C1orf226: variants seen among roughly 807,000 people sequenced by gnomAD.
C1orf226 encodes chromosome 1 open reading frame 226.
In C1orf226, 4 loss-of-function variants were observed where a neutral mutation model predicts 10.5. The ratio of observed to expected loss-of-function variants is 0.38; its 90% CI spans 0.19 to 0.87. The LOEUF (loss-of-function observed/expected upper bound fraction) is 0.87, where lower values mean the gene tolerates loss of function less well. Ranked by LOEUF, C1orf226 falls within the 40% of genes least tolerant of loss-of-function variation. The probability of loss-of-function intolerance (pLI) is 0.41; values close to 1 mark genes in which losing one functional copy is unlikely to be tolerated. For synonymous variants in C1orf226, 125 were observed against 139.3 expected (o/e 0.90, Z 0.72); for missense variants, 313 against 336.2 (o/e 0.93, Z 0.54).
rs1209868124 is a variant in C1orf226 at position 162,383,339 on chromosome 1, G to T, written c.475G>T (p.Ala159Ser). 2 of 1,608,952 alleles carry T rather than the reference G, an allele frequency of 1.2e-6. No homozygotes were observed. Among genetic ancestry groups the T allele is most frequent in the African/African-American group, 2.7e-5 (2 of 74,810 alleles). ...EYGTEPSPGQ[A>S]QDSAPTAQPD... ...TGGGACAGAGCCATCACCTGGGCAG[G>T]CCCAGGACTCCGCTCCCACTGCCCA... Residue 159 changes from alanine (A) to serine (S), a missense_variant, in exon 2 of 2, where the codon GCC (alanine) becomes TCC (serine). By Grantham distance (99) the Ala-to-Ser change is moderately conservative. Coordinates refer to ENST00000458626, the MANE Select transcript of C1orf226 (RefSeq NM_001085375.2).
Position 162,383,375 on chromosome 1 carries a change from C to A in C1orf226, c.511C>A (p.Pro171Thr), listed in dbSNP as rs775039376. The A allele has an allele frequency of 6.3e-7, 1 of 1,598,308 alleles. No individual in the cohort carries two copies. Among genetic ancestry groups the A allele is most frequent in the Non-Finnish European group, 8.5e-7 (1 of 1,172,194 alleles). The change falls in exon 2 of 2, where the codon CCA (proline) becomes ACA (threonine). Residue 171 changes from proline to threonine, a missense_variant. By Grantham distance (38) the Pro-to-Thr change is conservative (BLOSUM62 -1). Transcript: ENST00000458626. Reference sequence around the variant, plus strand: ...CGCTCCCACTGCCCAGCCTGACGTCCCAGCAGACGCTTCACAGCCAGAGGC... The same window carrying A: ...CGCTCCCACTGCCCAGCCTGACGTCACAGCAGACGCTTCACAGCCAGAGGC... ...DSAPTAQPDV[P>T]ADASQPEATM...
intron 1 of C1orf226, among the ~76,000 whole-genome samples, 178 bp from the exon 2 acceptor site, chr1:162,383,004 T>C (rs1206801924): frequency 6.6e-6 from 1 of 152,228 alleles, no homozygotes; most frequent in Non-Finnish European, 1.5e-5. Context: ...CAAAAGCTAC[T>C]GTTATGCTGA....
Position 162,382,070 on chromosome 1 carries a change from G to C in C1orf226, c.169G>C (p.Ala57Pro). 1 of 1,603,560 alleles carries C rather than the reference G, an allele frequency of 6.2e-7. No homozygotes were observed. Among genetic ancestry groups the C allele is most frequent in the Non-Finnish European group, 8.5e-7 (1 of 1,174,980 alleles). ...SSQHLKNLGK[A>P]MGAKVNDFLR... The stretch of plus-strand genomic sequence containing the variant: ...CCAGCACCTCAAGAACCTGGGCAAA[G>C]CCATGGGGGCCAAAGTGAATGACTT... Residue 57 changes from alanine to proline, a missense_variant, in exon 1 of 2, where the codon GCC (alanine) becomes CCC (proline). Ala to Pro is a conservative substitution (Grantham distance 27). Transcript: ENST00000458626.
Position 162,383,187 on chromosome 1 carries a change from T to A in C1orf226, c.323T>A (p.Val108Asp), listed in dbSNP as rs1012084357. Residue 108 changes from valine (V) to aspartate (D), a missense_variant, in exon 2 of 2, where the codon GTC becomes GAC. Physicochemically the swap from Val to Asp is radical, Grantham distance 152. Transcript: ENST00000458626. ...TATTGTCATTAACCTTACAGGTCAG[T>A]CCTGCAAGAAACATTTCCTCGGCTG... ...PEAWLEDERS[V>D]LQETFPRLDP... is the part of the protein sequence containing the mutation. 6.3e-7 allele frequency: 1 copy of A among 1,584,384 alleles called. No individual in the cohort carries two copies. Among genetic ancestry groups the A allele is most frequent in the African/African-American group, 1.3e-5 (1 of 74,240 alleles).
upstream of C1orf226, among the ~76,000 whole-genome samples, chr1:162,380,335 C>T (rs1310230799): frequency 6.6e-6 from 1 of 152,194 alleles, no homozygotes; most frequent in Non-Finnish European, 1.5e-5. Flanking sequence ...GGTTTTCCTC[C>T]CTGCCACCCA....
chr1:162,382,516 A>G (rs1027489766), intron 1 of C1orf226, among the ~76,000 whole-genome samples: 1 of 114,558 alleles, frequency 8.7e-6, no homozygotes, highest in African/African-American at 2.9e-5. Flanking sequence ...ATTTTGTCTA[A>G]CCCTCCCAGC....
chr1:162,383,707 C>T lies in C1orf226; in HGVS notation c.*24C>T. ...AGAGCCTCTGCTCTTTCCTGCTGAG[C>T]TCTGCCCTTGTCTTCCTGCTGCTTT... On this transcript the variant is annotated 3_prime_UTR_variant, in exon 2 of 2. Coordinates refer to ENST00000458626, the MANE Select transcript of C1orf226 (RefSeq NM_001085375.2). 6.4e-7 allele frequency: 1 copy of T among 1,557,816 alleles called. No homozygotes were observed. The highest frequency in any genetic ancestry group is 8.6e-7 in the Non-Finnish European group (1 of 1,156,378).
chr1:162,381,404 T>G (rs1647902485), upstream of C1orf226, among the ~76,000 whole-genome samples: 2 of 152,182 alleles, frequency 1.3e-5, no homozygotes, highest in Non-Finnish European at 2.9e-5. Context: ...CCATTTTTTG[T>G]GGAGAATATG....
rs201405103 is a variant in C1orf226 at position 162,383,383 on chromosome 1, C to A, written c.519C>A (p.Asp173Glu). 8 of 1,596,088 alleles carry A rather than the reference C, an allele frequency of 5.0e-6. No individual in the cohort carries two copies. The East Asian group carries it at 1.6e-4, about 32-fold the overall frequency. Residue 173 changes from aspartate to glutamate, a missense_variant, in exon 2 of 2, where the codon GAC becomes GAA. Transcript: ENST00000458626. Reference protein sequence around the residue: ...APTAQPDVPADASQPEATMER... With the variant: ...APTAQPDVPAEASQPEATMER... Reference sequence around the variant, plus strand: ...CTGCCCAGCCTGACGTCCCAGCAGACGCTTCACAGCCAGAGGCCACCATGG... The same window carrying A: ...CTGCCCAGCCTGACGTCCCAGCAGAAGCTTCACAGCCAGAGGCCACCATGG...
At chr1:162,380,541 C>A (rs1016392908), upstream of C1orf226, among the ~76,000 whole-genome samples, 1 of 152,252 alleles carries the variant, frequency 6.6e-6, no homozygotes, top group African/African-American at 2.4e-5. Flanking sequence ...AAAATAGACA[C>A]TTAGCAGAGG....
upstream of C1orf226, among the ~76,000 whole-genome samples, chr1:162,379,957 G>T (rs1173736807): frequency 6.6e-6 from 1 of 152,204 alleles, no homozygotes; most frequent in East Asian, 1.9e-4. Context: ...CAGTTTCATT[G>T]TTGTCTATGT....
chr1:162,381,962 C>G lies in C1orf226; in HGVS notation c.61C>G (p.His21Asp), dbSNP rs201169467. ...PKLQASRSFP[H>D]LSKPVAPGSA... is the part of the protein sequence containing the mutation. Reference sequence around the variant, plus strand: ...GCTCCAGGCCAGCCGCTCCTTCCCCCACTTGTCCAAGCCCGTGGCCCCCGG... The same window carrying G: ...GCTCCAGGCCAGCCGCTCCTTCCCCGACTTGTCCAAGCCCGTGGCCCCCGG... Residue 21 changes from histidine to aspartate, a missense_variant, in exon 1 of 2, where the codon CAC becomes GAC. Physicochemically the swap from His to Asp is moderately conservative, Grantham distance 81. Transcript: ENST00000458626. The G allele has an allele frequency of 1.8e-5, 29 of 1,612,822 alleles. No homozygotes were observed. The South Asian group carries it at 2.5e-4, about 14-fold the overall frequency.
At chr1:162,381,045 C>T (rs78869017), upstream of C1orf226, among the ~76,000 whole-genome samples, 3 of 152,188 alleles carry the variant, frequency 2.0e-5, no homozygotes, top group African/African-American at 7.2e-5. Flanking sequence ...GGCAGCTGTT[C>T]CATGATCTAT....
chr1:162,386,697 G>T lies in C1orf226; in HGVS notation c.*3014G>T, dbSNP rs1047802. The T allele has an allele frequency of 0.4, 60,405 of 152,062 alleles. 11,999 individuals carry two copies. Among genetic ancestry groups the T allele is most frequent in the Non-Finnish European group, 0.4 (27,086 of 67,978 alleles). The allele number at this position is 152,062 out of a possible 1,614,324, so 9.4% of individuals were successfully genotyped here. ...TAAAGAAGAAGATTGGCTCCAGTTC[G>T]GAGGAGGAGGAGGAAGATTACAGAT... On this transcript the variant is annotated 3_prime_UTR_variant, in exon 2 of 2. Transcript: ENST00000458626.
chr1:162,382,051 C>G lies in C1orf226; in HGVS notation c.150C>G (p.His50Gln). ...GPGLWVGSSQ[H>Q]LKNLGKAMGA... is the part of the protein sequence containing the mutation. ...GACTCTGGGTGGGCAGCAGCCAGCA[C>G]CTCAAGAACCTGGGCAAAGCCATGG... is the stretch of plus-strand genomic sequence containing the variant. Residue 50 changes from histidine to glutamine, a missense_variant, in exon 1 of 2, where the codon CAC becomes CAG. By Grantham distance (24) the His-to-Gln change is conservative. Transcript: ENST00000458626. 6.2e-7 allele frequency: 1 copy of G among 1,609,326 alleles called. No individual in the cohort carries two copies. Among genetic ancestry groups the G allele is most frequent in the African/African-American group, 1.3e-5 (1 of 74,998 alleles).
Position 162,385,231 on chromosome 1 carries a change from AC to A in C1orf226, c.*1551del, listed in dbSNP as rs957993137. ...GCTTCCCACCCATAAGCTCTGGGAT[AC>A]CCAGGGCTTGCTTCCCAGCTCTTCT... On this transcript the variant is annotated 3_prime_UTR_variant, in exon 2 of 2. Coordinates refer to ENST00000458626, the MANE Select transcript of C1orf226 (RefSeq NM_001085375.2). 1 of 152,336 alleles carries A rather than the reference AC, an allele frequency of 6.6e-6. No homozygotes were observed. The highest frequency in any genetic ancestry group is 2.4e-5 in the African/African-American group (1 of 41,414). 9.4% of individuals were successfully genotyped at this position (152,336 alleles called of 1,614,324 possible). A position where few individuals can be genotyped will look rare whatever the true frequency, so the allele number is the denominator to read the frequency against.
At chr1:162,379,128 C>T, upstream of C1orf226, 1 of 712,362 alleles carries the variant, frequency 1.4e-6, no homozygotes, top group Non-Finnish European at 2.4e-6. Context: ...GGAGGGCCAC[C>T]TGGCTGGGGT....
At chr1:162,382,899 T>C (rs892325346) in intron 1 of C1orf226, among the ~76,000 whole-genome samples, 1 of 152,206 alleles carries the variant, frequency 6.6e-6, no homozygotes, top group Non-Finnish European at 1.5e-5. Flanking sequence ...ACTGCCTGGG[T>C]TCTGATTTGA....
rs1647989931 is a variant in C1orf226 at position 162,383,445 on chromosome 1, A to G, written c.581A>G (p.Glu194Gly). 1.3e-6 allele frequency: 2 copies of G among 1,590,480 alleles called. No individual in the cohort carries two copies. Among genetic ancestry groups the G allele is most frequent in the Admixed American group, 3.6e-5 (2 of 56,098 alleles). Residue 194 changes from glutamate (E) to glycine (G), a missense_variant, in exon 2 of 2, where the codon GAG becomes GGG. Glu to Gly is a moderately conservative substitution (Grantham distance 98, BLOSUM62 -2). Coordinates refer to ENST00000458626, the MANE Select transcript of C1orf226 (RefSeq NM_001085375.2). ...EERGKVLPNGEVSLSVPDLIH... is the reference protein window; with the variant it reads ...EERGKVLPNGGVSLSVPDLIH... ...AGAGGCAAAGTTCTGCCCAATGGAG[A>G]GGTTTCCCTGTCAGTACCTGACCTA...
Sources: allele counts gnomAD v4.1 joint callset (sites outside exome capture counted in the v4.1 genomes callset), GRCh38; gene constraint gnomAD v4.1.1; transcripts MANE v1.5; gene names NCBI Gene and HGNC (gene_info 2026-07-23, HGNC 2026-07-21).